MID1: variants seen among roughly 807,000 people sequenced by gnomAD.
MID1 encodes the protein midline 1.
Under a neutral mutation model 40.4 loss-of-function variants are expected in MID1, and 7 were observed. That is an observed-to-expected ratio of 0.17 (90% CI 0.10 to 0.33). MID1 has a LOEUF of 0.33. Among genes scored for constraint, MID1 ranks in the 10% least tolerant of loss-of-function variants. The probability of loss-of-function intolerance (pLI) is 1.00; values close to 1 mark genes in which losing one functional copy is unlikely to be tolerated. For synonymous variants in MID1, 229 were observed against 221.2 expected, an observed-to-expected ratio of 1.04 and a Z score of -0.31; for missense variants, 367 against 558.5, an observed-to-expected ratio of 0.66 and a Z score of 3.46.
intron 1 of MID1, among the ~76,000 whole-genome samples, chrX:10,778,418 T>G (rs1295699476): frequency 2.7e-5 from 3 of 111,966 alleles, no homozygotes; most frequent in Non-Finnish European, 5.6e-5. Context: ...GTTTATCTCT[T>G]GTTAATGTGT....
intron 2 of MID1, among the ~76,000 whole-genome samples, chrX:10,533,472 TA>T (rs201138973): frequency 3.3e-5 from 3 of 91,418 alleles, no homozygotes. Flanking sequence ...ATGTGGATGG[TA>T]AAAAAAAAAA....
intron 1 of MID1, among the ~76,000 whole-genome samples, chrX:10,794,315 T>G (rs944047721): frequency 2.7e-5 from 3 of 112,004 alleles, no homozygotes; most frequent in Non-Finnish European, 5.6e-5. Context: ...CAGCCTGAAG[T>G]GAGTTTTTAT....
chrX:10,671,765 G>A (rs183035067), intron 1 of MID1, among the ~76,000 whole-genome samples: 12 of 111,384 alleles, frequency 1.1e-4, no homozygotes, highest in African/African-American at 3.9e-4. Flanking sequence ...TCTCTCTCCT[G>A]CATTCCAACA....
At chrX:10,574,085 G>T (rs1187615836) in intron 1 of MID1, among the ~76,000 whole-genome samples, 1 of 111,609 alleles carries the variant, frequency 9.0e-6, no homozygotes, top group African/African-American at 3.3e-5. Context: ...GAATATTTTA[G>T]GTTATAGAGC....
At chrX:10,619,680 C>T (rs1270210953) in intron 1 of MID1, among the ~76,000 whole-genome samples, 2 of 112,484 alleles carry the variant, frequency 1.8e-5, no homozygotes, top group Admixed American at 9.4e-5. Context: ...TTTAAGTAAT[C>T]CCCCAGCCCT....
chrX:10,829,455 G>A, intron 1 of MID1, among the ~76,000 whole-genome samples: 1 of 111,724 alleles, frequency 9.0e-6, no homozygotes, highest in Middle Eastern at 4.6e-3. Context: ...CAGCTATTAT[G>A]TACCATGCAT....
chrX:10,514,812 C>G (rs1341783675), intron 3 of MID1, among the ~76,000 whole-genome samples: 1 of 111,502 alleles, frequency 9.0e-6, no homozygotes, highest in African/African-American at 3.3e-5. Flanking sequence ...TTTGCACTAT[C>G]ACATTATCAT....
At chrX:10,521,501 G>C (rs1602342557) in intron 3 of MID1, among the ~76,000 whole-genome samples, 1 of 111,517 alleles carries the variant, frequency 9.0e-6, no homozygotes, top group South Asian at 3.9e-4. Flanking sequence ...ACCAGTCAGA[G>C]GGAACTGCTT....
intron 1 of MID1, among the ~76,000 whole-genome samples, chrX:10,811,573 T>C (rs916049886): frequency 1.8e-5 from 2 of 112,136 alleles, no homozygotes; most frequent in African/African-American, 6.5e-5. Flanking sequence ...ATATGCTGGG[T>C]ACTAGACAAA....
intron 1 of MID1, among the ~76,000 whole-genome samples, chrX:10,727,414 C>T (rs1278668428): frequency 2.7e-5 from 3 of 112,848 alleles, no homozygotes; most frequent in Non-Finnish European, 5.6e-5. Context: ...CCACTGTGCC[C>T]AGCCTCATCA....
chrX:10,551,196 T>A (rs748452152), intron 2 of MID1, among the ~76,000 whole-genome samples: 1 of 112,639 alleles, frequency 8.9e-6, no homozygotes, highest in Non-Finnish European at 1.9e-5. Flanking sequence ...AGTCTATACA[T>A]GTTCAGTACA....
At chrX:10,470,096 T>C (rs1008910504) in intron 6 of MID1, among the ~76,000 whole-genome samples, 5 of 112,456 alleles carry the variant, frequency 4.4e-5, no homozygotes, top group African/African-American at 1.3e-4. Flanking sequence ...TTTGGGAGGT[T>C]AAACAAATAA....
At chrX:10,593,720 C>T (rs1935355219) in intron 1 of MID1, among the ~76,000 whole-genome samples, 1 of 105,799 alleles carries the variant, frequency 9.5e-6, no homozygotes, top group South Asian at 4.4e-4. Context: ...AATACCCACA[C>T]ACTCTCACAC....
At chrX:10,555,336 T>C (rs1017505643) in intron 2 of MID1, among the ~76,000 whole-genome samples, 1 of 112,388 alleles carries the variant, frequency 8.9e-6, no homozygotes, top group African/African-American at 3.2e-5. Flanking sequence ...TTGCTTTTTA[T>C]TGAAATGTAT....
At chrX:10,579,512 G>A (rs191858507) in intron 1 of MID1, among the ~76,000 whole-genome samples, 34 of 111,878 alleles carry the variant, frequency 3.0e-4, no homozygotes, top group Non-Finnish European at 1.1e-4. Context: ...GACTCATGGA[G>A]GTAATGACGA....
At chrX:10,712,125 A>G (rs1345240553) in intron 1 of MID1, among the ~76,000 whole-genome samples, 1 of 112,105 alleles carries the variant, frequency 8.9e-6, no homozygotes, top group Non-Finnish European at 1.9e-5. Context: ...AAAAGTAGGT[A>G]GTCTGACATG....
intron 1 of MID1, among the ~76,000 whole-genome samples, chrX:10,779,087 G>A (rs923636065): frequency 4.4e-5 from 5 of 112,901 alleles, no homozygotes; most frequent in Admixed American, 2.8e-4. Context: ...GAACTAGAAA[G>A]CAGCTGGGGT....
chrX:10,447,474 T>C lies in MID1; in HGVS notation c.*1894A>G, dbSNP rs1928088501. The C allele has an allele frequency of 9.0e-6, 1 of 111,701 alleles. No individual in the cohort carries two copies. Among genetic ancestry groups the C allele is most frequent in the Non-Finnish European group, 1.9e-5 (1 of 53,198 alleles). 9.2% of individuals were successfully genotyped at this position (111,701 alleles called of 1,213,427 possible). On this transcript the variant is annotated 3_prime_UTR_variant, in exon 10 of 10. Coordinates refer to ENST00000317552, the MANE Select transcript of MID1 (RefSeq NM_000381.4). ...TACCCAAAATGTATGTAAAAATTACTGAGACAACCCTTTCAGTTTACTCAG... is the reference window on the plus strand; with the variant it reads ...TACCCAAAATGTATGTAAAAATTACCGAGACAACCCTTTCAGTTTACTCAG...
chrX:10,679,487 G>A (rs1451338140), intron 1 of MID1, among the ~76,000 whole-genome samples: 8 of 111,910 alleles, frequency 7.1e-5, no homozygotes, highest in South Asian at 7.6e-4. Flanking sequence ...TCGATCCTTT[G>A]CCTGTTGGTA....
Sources: allele counts gnomAD v4.1 joint callset (sites outside exome capture counted in the v4.1 genomes callset), GRCh38; gene constraint gnomAD v4.1.1; transcripts MANE v1.5; gene names NCBI Gene and HGNC (gene_info 2026-07-23, HGNC 2026-07-21).